The following VCAN variants were observed in gnomAD, a reference collection of about 807,000 sequenced individuals.
The protein encoded by VCAN is versican.
In VCAN, 44 loss-of-function variants were observed where a neutral mutation model predicts 245.5. That is an observed-to-expected ratio of 0.18 (90% CI 0.14 to 0.23). VCAN has a LOEUF of 0.23. Among genes scored for constraint, VCAN ranks in the 10% least tolerant of loss-of-function variants. VCAN has a pLI of 1.00. For synonymous variants in VCAN, 1,413 were observed against 1,437.0 expected (o/e 0.98, Z 0.38); for missense variants, 3,793 against 4,057.9 (o/e 0.93, Z 1.77).
chr5:83,495,514 C>T (rs1303854920), intron 5 of VCAN, among the ~76,000 whole-genome samples: 1 of 152,092 alleles, frequency 6.6e-6, no homozygotes. Flanking sequence ...ATACATAAAA[C>T]TAGAGCTTTT....
chr5:83,539,366 A>G lies in VCAN; in HGVS notation c.6363A>G (p.Gln2121=), dbSNP rs1008926550. The G allele has an allele frequency of 9.3e-6, 15 of 1,614,044 alleles. No individual in the cohort carries two copies. Among genetic ancestry groups the G allele is most frequent in the East Asian group, 4.5e-5 (2 of 44,888 alleles). The change falls in exon 8 of 15, where the codon CAA becomes CAG. Residue 2121 remains glutamine (Q), a synonymous_variant. Coordinates refer to ENST00000265077, the MANE Select transcript of VCAN (RefSeq NM_004385.5). The part of the protein sequence containing the change: ...ESETTSEEQI[Q]EEKSFESPQN... ...AAACAACATCAGAGGAACAAATTCA[A>G]GAAGAAAAGTCATTTGAATCCCCTC...
At position 83,540,642 on chromosome 5, in the gene VCAN, C is replaced by T. The variant is rs780600250; in HGVS notation, c.7639C>T (p.Leu2547=). The T allele has an allele frequency of 2.2e-5, 35 of 1,613,602 alleles. No individual in the cohort carries two copies. Among genetic ancestry groups the T allele is most frequent in the Admixed American group, 3.3e-5 (2 of 59,954 alleles). The change falls in exon 8 of 15, where the codon CTG becomes TTG. Residue 2547 remains leucine (L), a synonymous_variant. Transcript: ENST00000265077. ...ACCCACTGAAAATATTATCATAGAC[C>T]TGGACAAAGAGGACAAGGATTTAAT... The part of the protein sequence containing the change: ...KKPTENIIID[L]DKEDKDLILT...
At chr5:83,496,690 TC>T (rs1377190479) in intron 5 of VCAN, among the ~76,000 whole-genome samples, 1 of 152,202 alleles carries the variant, frequency 6.6e-6, no homozygotes, top group Non-Finnish European at 1.5e-5. Flanking sequence ...ACTGTTCTTT[TC>T]TTTCTTGGCT....
rs1423319973 is a variant in VCAN, at chr5:83,520,845, A to C, written c.2539A>C (p.Thr847Pro). ...NGKDKDIPSF[T>P]EDGADEFTLI... is the part of the protein sequence containing the mutation. ...AAAGGATAAAGACATCCCAAGTTTC[A>C]CTGAAGATGGAGCAGATGAATTTAC... Residue 847 changes from threonine (T) to proline (P), a missense_variant, in exon 7 of 15, where the codon ACT becomes CCT. By Grantham distance (38) the Thr-to-Pro change is conservative. This residue lies in a region of VCAN where 3,182 missense variants were observed against 3,250.3 expected (regional missense o/e 0.98). Transcript: ENST00000265077. 6.2e-7 allele frequency: 1 copy of C among 1,614,036 alleles called. No individual in the cohort carries two copies. Among genetic ancestry groups the C allele is most frequent in the Admixed American group, 1.7e-5 (1 of 59,996 alleles).
chr5:83,519,731 T>C lies in VCAN; in HGVS notation c.1425T>C (p.Asp475=), dbSNP rs976989474. 2 of 1,614,060 alleles carry C rather than the reference T, an allele frequency of 1.2e-6. No individual in the cohort carries two copies. The highest frequency in any genetic ancestry group is 1.7e-6 in the Non-Finnish European group (2 of 1,180,012). Residue 475 remains aspartate (D), a synonymous_variant, in exon 7 of 15, where the codon GAT becomes GAC. Coordinates refer to ENST00000265077, the MANE Select transcript of VCAN (RefSeq NM_004385.5). ...CTCATTATGCTACGGATTCATGGGA[T>C]GGTGTCGTGGAAGATAAACAAACAC... ...GVSHYATDSW[D]GVVEDKQTQE...
intron 13 of VCAN, 40 bp from the exon 14 acceptor site, chr5:83,579,940 C>G: frequency 6.2e-7 from 1 of 1,603,482 alleles, no homozygotes; most frequent in Non-Finnish European, 8.5e-7. Context: ...AGTTGAAATA[C>G]TTAGATTATT....
chr5:83,557,690 C>T (rs1398905150), intron 12 of VCAN, among the ~76,000 whole-genome samples: 3 of 152,122 alleles, frequency 2.0e-5, no homozygotes, highest in African/African-American at 7.2e-5. Context: ...TAGTGAGCAT[C>T]GCACCTTGTC....
intron 2 of VCAN, among the ~76,000 whole-genome samples, chr5:83,485,157 C>T (rs1744751463): frequency 1.3e-5 from 2 of 152,182 alleles, no homozygotes; most frequent in South Asian, 4.1e-4. Flanking sequence ...GGCTAAGCAG[C>T]TTGCTCGAAC....
Position 83,541,352 on chromosome 5 carries a change from T to C in VCAN, c.8349T>C (p.Ala2783=). ...LVDHTPYLSI[A]TTHLMDQSVT... is the part of the protein sequence containing the mutation. The stretch of plus-strand genomic sequence containing the variant: ...ACCATACTCCCTATCTAAGTATTGC[T>C]ACTACCCACCTTATGGATCAGAGTG... Residue 2783 remains alanine, a synonymous_variant, in exon 8 of 15, where the codon GCT becomes GCC. Coordinates refer to ENST00000265077, the MANE Select transcript of VCAN (RefSeq NM_004385.5). The C allele has an allele frequency of 6.2e-7, 1 of 1,614,122 alleles. No individual in the cohort carries two copies.
At chr5:83,555,493 A>T (rs890256425) in intron 12 of VCAN, among the ~76,000 whole-genome samples, 2 of 152,214 alleles carry the variant, frequency 1.3e-5, no homozygotes, top group African/African-American at 4.8e-5. Flanking sequence ...CTTAAAGAAG[A>T]CTGTTGATAT....
rs1212010124 is a variant in VCAN at position 83,540,187 on chromosome 5, C to T, written c.7184C>T (p.Thr2395Ile). ...TCAACAGCAGAAATTAACGAAACAA[C>T]AACCTCATCTACTGATTTTCTGGCT... is the stretch of plus-strand genomic sequence containing the variant. ...NSSTAEINET[T>I]TSSTDFLARA... The change falls in exon 8 of 15, where the codon ACA (threonine) becomes ATA (isoleucine). Residue 2395 changes from threonine to isoleucine, a missense_variant. Around this residue, in one of 5 missense-constraint regions of VCAN, gnomAD observed 3,182 missense variants for 3,250.3 expected, o/e 0.98. Transcript: ENST00000265077. 3 of 1,614,062 alleles carry T rather than the reference C, an allele frequency of 1.9e-6. No homozygotes were observed. Among genetic ancestry groups the T allele is most frequent in the Middle Eastern group, 1.6e-4 (1 of 6,062 alleles).
At chr5:83,482,076 T>C (rs1254466402) in intron 1 of VCAN, among the ~76,000 whole-genome samples, 1 of 152,226 alleles carries the variant, frequency 6.6e-6, no homozygotes, top group Non-Finnish European at 1.5e-5. Context: ...TAATGACATT[T>C]ATAATCTCAT....
chr5:83,500,360 GTA>G lies in VCAN; in HGVS notation c.748+6430_748+6431del, dbSNP rs1212795133. On this transcript the variant is annotated intron_variant, in intron 5 of 14. Transcript: ENST00000265077. ...ACACCTTGCTTGGAGTTGCTTCTGT[GTA>G]CAGTGTTTGAACAGTCTACCTAAGA... 2.6e-5 allele frequency among the ~76,000 whole-genome samples: 4 copies of G among 152,252 alleles called. No individual in the cohort carries two copies. The East Asian group carries it at 7.7e-4, about 29-fold the overall frequency.
chr5:83,537,092 A>G lies in VCAN; in HGVS notation c.4089A>G (p.Pro1363=). 1 of 1,613,844 alleles carries G rather than the reference A, an allele frequency of 6.2e-7. No individual in the cohort carries two copies. The highest frequency in any genetic ancestry group is 1.1e-5 in the South Asian group (1 of 91,070). ...EDEPCSEETD[P]VHDLMAEILP... is the part of the protein sequence containing the mutation. ...AACCTTGTAGTGAAGAAACAGATCCAGTGCATGATCTAATGGCTGAAATTT... is the reference window on the plus strand; with the variant it reads ...AACCTTGTAGTGAAGAAACAGATCCGGTGCATGATCTAATGGCTGAAATTT... Residue 1363 remains proline (P), a synonymous_variant, in exon 8 of 15, where the codon CCA becomes CCG. Coordinates refer to ENST00000265077, the MANE Select transcript of VCAN (RefSeq NM_004385.5).
At chr5:83,483,661 T>C in intron 2 of VCAN, 73 bp downstream of exon 2, 1 of 1,296,586 alleles carries the variant, frequency 7.7e-7, no homozygotes, top group Non-Finnish European at 1.1e-6. Context: ...AATGGCAATG[T>C]GGAATCACTG....
intron 9 of VCAN, 152 bp downstream of exon 9, chr5:83,545,802 T>G: frequency 1.4e-6 from 1 of 732,644 alleles, no homozygotes. Flanking sequence ...GGTAATTAAC[T>G]AGGGGCTGGA....
chr5:83,538,422 A>G lies in VCAN; in HGVS notation c.5419A>G (p.Thr1807Ala). 1 of 1,614,032 alleles carries G rather than the reference A, an allele frequency of 6.2e-7. No homozygotes were observed. Among genetic ancestry groups the G allele is most frequent in the African/African-American group, 1.3e-5 (1 of 75,030 alleles). Residue 1807 changes from threonine to alanine, a missense_variant, in exon 8 of 15, where the codon ACT becomes GCT. Physicochemically the swap from Thr to Ala is moderately conservative, Grantham distance 58. Around this residue, in one of 5 missense-constraint regions of VCAN, gnomAD observed 3,182 missense variants for 3,250.3 expected, o/e 0.98. Coordinates refer to ENST00000265077, the MANE Select transcript of VCAN (RefSeq NM_004385.5). ...ATTAGAAAATTTGGGGGCACAGACC[A>G]CTGAGCACAGCAGTATCCATCAACC... ...NTLENLGAQTTEHSSIHQPGV... is the reference protein window; with the variant it reads ...NTLENLGAQTAEHSSIHQPGV...
At position 83,539,220 on chromosome 5, in the gene VCAN, G is replaced by A. The variant is rs561240006; in HGVS notation, c.6217G>A (p.Val2073Ile). The change falls in exon 8 of 15, where the codon GTA becomes ATA. Residue 2073 changes from valine (V) to isoleucine (I), a missense_variant. Physicochemically the swap from Val to Ile is conservative, Grantham distance 29 (BLOSUM62 3). Coordinates refer to ENST00000265077, the MANE Select transcript of VCAN (RefSeq NM_004385.5). ...TAEVEGTKAP[V>I]EKEEVKVSGT... ...AGAAGTGGAAGGTACGAAAGCTCCAGTAGAGAAGGAGGAAGTAAAGGTCAG... is the reference window on the plus strand; with the variant it reads ...AGAAGTGGAAGGTACGAAAGCTCCAATAGAGAAGGAGGAAGTAAAGGTCAG... 1 of 1,614,050 alleles carries A rather than the reference G, an allele frequency of 6.2e-7. No individual in the cohort carries two copies. Among genetic ancestry groups the A allele is most frequent in the African/African-American group, 1.3e-5 (1 of 75,044 alleles).
intron 1 of VCAN, among the ~76,000 whole-genome samples, chr5:83,476,947 T>C (rs904303350): frequency 2.6e-5 from 4 of 152,186 alleles, no homozygotes; most frequent in African/African-American, 9.7e-5. Context: ...AAAATGAGAT[T>C]ACATATTTTA....
Sources: allele counts gnomAD v4.1 joint callset (sites outside exome capture counted in the v4.1 genomes callset), GRCh38; gene constraint gnomAD v4.1.1; regional missense constraint gnomAD v4.1.1; transcripts MANE v1.5; gene names NCBI Gene and HGNC (gene_info 2026-07-23, HGNC 2026-07-21).